Variants in CSNK2A2IP observed in about 807,000 individuals in gnomAD.
The protein encoded by CSNK2A2IP is casein kinase 2 subunit alpha' interacting protein, also known as casein kinase II subunit alpha'-interacting protein.
chr3:88,425,097 T>A, the CSNK2A2IP span, among the ~76,000 whole-genome samples: 1 of 152,076 alleles, frequency 6.6e-6, no homozygotes, highest in Non-Finnish European at 1.5e-5. Context: ...TCTAAAATTA[T>A]TCTTCTAAAT....
At chr3:88,395,787 C>A in the CSNK2A2IP span, among the ~76,000 whole-genome samples, 1 of 152,094 alleles carries the variant, frequency 6.6e-6, no homozygotes, top group Non-Finnish European at 1.5e-5. Flanking sequence ...CATAAATTTT[C>A]TTTGAGTTTT....
At chr3:88,342,892 A>ATGAGG in the CSNK2A2IP span, among the ~76,000 whole-genome samples, 7 of 152,114 alleles carry the variant, frequency 4.6e-5, no homozygotes, top group Admixed American at 2.0e-4. Flanking sequence ...GGTAGCCAAT[A>ATGAGG]GCCACCAAGG....
At chr3:88,392,196 C>T in the CSNK2A2IP span, among the ~76,000 whole-genome samples, 7 of 152,152 alleles carry the variant, frequency 4.6e-5, no homozygotes, top group South Asian at 1.5e-3. Flanking sequence ...TAGTACAGGG[C>T]AAACTGAAGC....
At chr3:88,351,209 C>T in the CSNK2A2IP span, among the ~76,000 whole-genome samples, 1 of 152,002 alleles carries the variant, frequency 6.6e-6, no homozygotes, top group Non-Finnish European at 1.5e-5. Flanking sequence ...CATAATTTTT[C>T]TTATCCTTTA....
chr3:88,441,655 G>A, the CSNK2A2IP span, among the ~76,000 whole-genome samples: 1 of 151,978 alleles, frequency 6.6e-6, no homozygotes, highest in Non-Finnish European at 1.5e-5. Flanking sequence ...TTTTTTCCTT[G>A]TGTAGTTAGG....
At chr3:88,376,915 T>A in the CSNK2A2IP span, among the ~76,000 whole-genome samples, 2 of 151,876 alleles carry the variant, frequency 1.3e-5, no homozygotes, top group Non-Finnish European at 2.9e-5. Context: ...TTTTTGCAAC[T>A]CTTTTGTAAG....
chr3:88,448,624 T>C, the CSNK2A2IP span, among the ~76,000 whole-genome samples: 20 of 152,200 alleles, frequency 1.3e-4, no homozygotes, highest in Non-Finnish European at 2.4e-4. Context: ...CTAAATGTTT[T>C]GTGTAGCATT....
At chr3:88,396,466 A>G in the CSNK2A2IP span, among the ~76,000 whole-genome samples, 1 of 152,294 alleles carries the variant, frequency 6.6e-6, no homozygotes, top group African/African-American at 2.4e-5. Context: ...GAGTACAGAA[A>G]GTTTTCCTGT....
the CSNK2A2IP span, among the ~76,000 whole-genome samples, chr3:88,439,181 T>G: frequency 6.6e-6 from 1 of 152,210 alleles, no homozygotes; most frequent in Non-Finnish European, 1.5e-5. Context: ...TCATTGACTT[T>G]CCAGCCACTG....
At chr3:88,419,744 G>A in the CSNK2A2IP span, among the ~76,000 whole-genome samples, 9 of 152,198 alleles carry the variant, frequency 5.9e-5, 1 homozygote, top group East Asian at 1.7e-3. Context: ...GTCACTTTCT[G>A]CTTTGAAATT....
chr3:88,368,756 C>G, the CSNK2A2IP span, among the ~76,000 whole-genome samples: 1 of 151,978 alleles, frequency 6.6e-6, no homozygotes, highest in East Asian at 1.9e-4. Context: ...TTGCATTGAC[C>G]TTTGATCTGT....
At chr3:88,389,450 T>A in the CSNK2A2IP span, among the ~76,000 whole-genome samples, 2,133 of 152,172 alleles carry the variant, frequency 0.014, 47 homozygotes, top group African/African-American at 0.048. Flanking sequence ...CAGAGGAAAA[T>A]GAGGTTGGAG....
the CSNK2A2IP span, among the ~76,000 whole-genome samples, chr3:88,432,415 T>G: frequency 6.6e-6 from 1 of 151,838 alleles, no homozygotes; most frequent in Admixed American, 6.6e-5. Context: ...GCATAAAGTA[T>G]CTAATGTACA....
the CSNK2A2IP span, among the ~76,000 whole-genome samples, chr3:88,416,621 C>G: frequency 1.3e-5 from 2 of 152,172 alleles, no homozygotes; most frequent in African/African-American, 4.8e-5. Flanking sequence ...CTATACCATA[C>G]CACGGAATCA....
the CSNK2A2IP span, among the ~76,000 whole-genome samples, chr3:88,368,454 C>T: frequency 6.6e-6 from 1 of 151,838 alleles, no homozygotes; most frequent in African/African-American, 2.4e-5. Flanking sequence ...GTTTCAATGC[C>T]ATAGAGACAG....
At chr3:88,457,772 T>C in the CSNK2A2IP span, among the ~76,000 whole-genome samples, 1 of 146,574 alleles carries the variant, frequency 6.8e-6, no homozygotes, top group East Asian at 1.9e-4. Flanking sequence ...GTTTTTAACA[T>C]AGCTTGAGTT....
chr3:88,372,930 A>T, the CSNK2A2IP span, among the ~76,000 whole-genome samples: 1 of 151,486 alleles, frequency 6.6e-6, no homozygotes, highest in Non-Finnish European at 1.5e-5. Flanking sequence ...CAACAGAAAG[A>T]TATAACAATT....
chr3:88,456,918 A>G, the CSNK2A2IP span, among the ~76,000 whole-genome samples: 7 of 152,102 alleles, frequency 4.6e-5, no homozygotes, highest in African/African-American at 1.7e-4. Flanking sequence ...TCCTTTACAA[A>G]GAAAGTTTTC....
the CSNK2A2IP span, among the ~76,000 whole-genome samples, chr3:88,348,601 G>T: frequency 6.6e-6 from 1 of 152,014 alleles, no homozygotes. Flanking sequence ...AAAGAGTAGT[G>T]AGAACATTCA....
Sources: gnomAD v4.1 joint callset for allele counts (sites outside exome capture counted in the v4.1 genomes callset) on GRCh38, gnomAD v4.1.1 for gene constraint, MANE v1.5 for transcripts, NCBI Gene and HGNC (gene_info 2026-07-23, HGNC 2026-07-21) for gene names.